RTN1: variants seen among roughly 807,000 people sequenced by gnomAD.
RTN1 encodes the protein reticulon 1, also known as reticulon-1.
A neutral mutation model predicts 65.5 loss-of-function variants in RTN1; 25 were observed. The ratio of observed to expected loss-of-function variants is 0.38; its 90% CI spans 0.28 to 0.53. The LOEUF (loss-of-function observed/expected upper bound fraction) is 0.53, where lower values mean the gene tolerates loss of function less well. RTN1 is among the 20% of genes least tolerant of loss of function. RTN1 has a pLI of 0.79. For missense variants in RTN1, 983 were observed against 1,025.4 expected (o/e 0.96, Z 0.57); for synonymous variants, 471 against 447.6 (o/e 1.05, Z -0.66).
At chr14:59,764,614 G>A (rs1315697056) in intron 1 of RTN1, among the ~76,000 whole-genome samples, 3 of 152,044 alleles carry the variant, frequency 2.0e-5, no homozygotes, top group South Asian at 2.1e-4. Flanking sequence ...GAGCCATCGC[G>A]CCCAGCCGTG....
chr14:59,755,997 G>A (rs2139536579), intron 1 of RTN1, among the ~76,000 whole-genome samples: 1 of 152,266 alleles, frequency 6.6e-6, no homozygotes, highest in Admixed American at 6.5e-5. Context: ...AAATGATTCA[G>A]CAATTTGTTC....
intron 1 of RTN1, among the ~76,000 whole-genome samples, chr14:59,806,387 T>C (rs988457555): frequency 2.0e-5 from 3 of 152,134 alleles, no homozygotes; most frequent in African/African-American, 7.2e-5. Flanking sequence ...ATTTTATTTC[T>C]AAAAGTTTGA....
At chr14:59,680,867 T>A (rs1006661788) in intron 3 of RTN1, among the ~76,000 whole-genome samples, 9 of 152,112 alleles carry the variant, frequency 5.9e-5, no homozygotes, top group Non-Finnish European at 1.3e-4. Context: ...AAAAACCATA[T>A]TTATGAAGAG....
chr14:59,726,908 G>A lies in RTN1; in HGVS notation c.1765+11C>T. The stretch of plus-strand genomic sequence containing the variant: ...GACACTAACCAAGCATCCCTGCTTG[G>A]GATCCTTTACCTTTTTGCTTATTGA... On this transcript the variant is annotated intron_variant, in intron 3 of 8. Coordinates refer to ENST00000267484, the MANE Select transcript of RTN1 (RefSeq NM_021136.3). The A allele has an allele frequency of 6.2e-7, 1 of 1,606,538 alleles. No individual in the cohort carries two copies. Among genetic ancestry groups the A allele is most frequent in the Non-Finnish European group, 8.5e-7 (1 of 1,176,290 alleles).
intron 1 of RTN1, among the ~76,000 whole-genome samples, chr14:59,785,729 A>G (rs1267358581): frequency 6.6e-6 from 1 of 152,230 alleles, no homozygotes; most frequent in East Asian, 1.9e-4. Context: ...ATGGTTCTTA[A>G]GCAATGGAGC....
intron 1 of RTN1, among the ~76,000 whole-genome samples, chr14:59,770,655 T>C (rs1488324348): frequency 6.6e-6 from 1 of 152,210 alleles, no homozygotes; most frequent in Non-Finnish European, 1.5e-5. Context: ...TTGGAATTAA[T>C]ATTGATCAAA....
chr14:59,749,090 C>CTATATATATA (rs1566710718), intron 1 of RTN1, among the ~76,000 whole-genome samples: 1 of 118,618 alleles, frequency 8.4e-6, no homozygotes, highest in African/African-American at 3.7e-5. Flanking sequence ...GCCGGGGCAT[C>CTATATATATA]TATATATATA....
chr14:59,750,463 CTA>C (rs1885473184), intron 1 of RTN1, among the ~76,000 whole-genome samples: 1 of 36,226 alleles, frequency 2.8e-5, no homozygotes. Flanking sequence ...ATATATATAT[CTA>C]TAATATATAA....
At chr14:59,643,769 C>A (rs1882832002) in intron 3 of RTN1, among the ~76,000 whole-genome samples, 1 of 151,890 alleles carries the variant, frequency 6.6e-6, no homozygotes. Flanking sequence ...AAAATCAAAA[C>A]AATAACAATA....
chr14:59,607,922 G>T (rs1032017709), intron 3 of RTN1, among the ~76,000 whole-genome samples: 13 of 151,030 alleles, frequency 8.6e-5, no homozygotes, highest in Admixed American at 2.0e-4. Context: ...AAAAGAGAGA[G>T]AGAGCCCCTG....
At chr14:59,677,133 A>T (rs1443723049) in intron 3 of RTN1, among the ~76,000 whole-genome samples, 2 of 152,090 alleles carry the variant, frequency 1.3e-5, no homozygotes, top group East Asian at 3.9e-4. Context: ...CCTCCTTCTG[A>T]TGCTTTCTGA....
At chr14:59,834,530 T>C (rs1195210156) in intron 1 of RTN1, among the ~76,000 whole-genome samples, 1 of 152,020 alleles carries the variant, frequency 6.6e-6, no homozygotes, top group African/African-American at 2.4e-5. Flanking sequence ...AAAAATCTAA[T>C]AGTGAAATGG....
chr14:59,737,846 G>A (rs148771135), intron 2 of RTN1, among the ~76,000 whole-genome samples: 2 of 152,260 alleles, frequency 1.3e-5, no homozygotes, highest in African/African-American at 4.8e-5. Context: ...AAAGAAACCA[G>A]TAATAAGACC....
intron 1 of RTN1, among the ~76,000 whole-genome samples, chr14:59,819,312 T>A (rs541237864): frequency 4.0e-4 from 59 of 147,722 alleles, no homozygotes; most frequent in African/African-American, 1.4e-3. Context: ...GGGTCTTTAT[T>A]CCCTTATCTG....
intron 1 of RTN1, among the ~76,000 whole-genome samples, chr14:59,853,916 G>A (rs1887555188): frequency 6.8e-6 from 1 of 148,026 alleles, no homozygotes; most frequent in African/African-American, 2.5e-5. Context: ...CCAGGCTGGA[G>A]TGCAGAAGTG....
chr14:59,596,609 G>A lies in RTN1; in HGVS notation c.*136C>T. On this transcript the variant is annotated 3_prime_UTR_variant, in exon 9 of 9. Transcript: ENST00000267484. ...TACAAGGAACAGCCTAAAAACAGCT[G>A]TTTTAAGGTTTGTCTCTAAGATTAT... 4 of 729,398 alleles carry A rather than the reference G, an allele frequency of 5.5e-6. No homozygotes were observed. The highest frequency in any genetic ancestry group is 9.9e-6 in the Non-Finnish European group (4 of 404,756). The allele number at this position is 729,398 out of a possible 1,614,324, so 45.2% of individuals were successfully genotyped here.
At chr14:59,830,515 G>A (rs775160159) in intron 1 of RTN1, among the ~76,000 whole-genome samples, 2 of 152,180 alleles carry the variant, frequency 1.3e-5, no homozygotes, top group Non-Finnish European at 2.9e-5. Flanking sequence ...AGAACCAGAT[G>A]CCTACTAGAG....
intron 3 of RTN1, among the ~76,000 whole-genome samples, chr14:59,635,707 A>G (rs1374739521): frequency 1.3e-5 from 2 of 152,200 alleles, no homozygotes; most frequent in East Asian, 1.9e-4. Context: ...TAGAGAATTA[A>G]TCAAACAATA....
chr14:59,817,640 T>TC (rs1886846766), intron 1 of RTN1, among the ~76,000 whole-genome samples: 1 of 152,002 alleles, frequency 6.6e-6, no homozygotes, highest in African/African-American at 2.4e-5. Flanking sequence ...ATTTTTTTTT[T>TC]TTTAAGAAAG....
Sources: allele counts gnomAD v4.1 joint callset (sites outside exome capture counted in the v4.1 genomes callset), GRCh38; gene constraint gnomAD v4.1.1; transcripts MANE v1.5; gene names NCBI Gene and HGNC (gene_info 2026-07-23, HGNC 2026-07-21).